Variants in DTNA observed in about 807,000 individuals in gnomAD.
The protein encoded by DTNA is dystrobrevin alpha.
A neutral mutation model predicts 100.7 loss-of-function variants in DTNA; 43 were observed. The ratio of observed to expected loss-of-function variants is 0.43; its 90% CI spans 0.33 to 0.55. The LOEUF is 0.55. DTNA is among the 20% of genes least tolerant of loss of function. The pLI is 0.04. For missense variants in DTNA, 798 were observed against 953.9 expected, an observed-to-expected ratio of 0.84 and a Z score of 2.15; for synonymous variants, 349 against 347.9, an observed-to-expected ratio of 1.00 and a Z score of -0.04.
rs1359246746 is a variant in DTNA at position 34,742,664 on chromosome 18, A to ATCTATCTAGATAGATAGATAATCTATTG, written c.-1-13304_-1-13303insGATAGATAGATAATCTATTGTCTATCTA. On this transcript the variant is annotated intron_variant, in intron 1 of 22. Coordinates refer to ENST00000444659, the MANE Select transcript of DTNA (RefSeq NM_001386795.1). The stretch of plus-strand genomic sequence containing the variant: ...TATCTAGATAGATAGATAATCTATT[A>ATCTATCTAGATAGATAGATAATCTATTG]TCTATCTATTCCCATTATCCTGTCT... Among the ~76,000 whole-genome samples, 3 of 151,896 alleles carry ATCTATCTAGATAGATAGATAATCTATTG rather than the reference A, an allele frequency of 2.0e-5. No homozygotes were observed. In the East Asian group the frequency reaches 5.8e-4, roughly 29 times the overall value.
At chr18:34,751,059 C>A (rs2092273178) in intron 1 of DTNA, among the ~76,000 whole-genome samples, 1 of 152,204 alleles carries the variant, frequency 6.6e-6, no homozygotes. Context: ...AGCGGTGCAA[C>A]CCTCTTTTAA....
intron 1 of DTNA, among the ~76,000 whole-genome samples, chr18:34,697,429 G>T (rs973434346): frequency 2.0e-5 from 3 of 152,172 alleles, no homozygotes; most frequent in African/African-American, 7.2e-5. Flanking sequence ...CTATTAAAAT[G>T]CATGTGTGTC....
At chr18:34,805,854 G>A (rs745564091) in intron 4 of DTNA, among the ~76,000 whole-genome samples, 4 of 151,624 alleles carry the variant, frequency 2.6e-5, no homozygotes, top group Non-Finnish European at 5.9e-5. Context: ...GAATTATTGT[G>A]TGCAAAAATC....
intron 1 of DTNA, among the ~76,000 whole-genome samples, chr18:34,702,711 A>C (rs1286069959): frequency 6.6e-6 from 1 of 152,168 alleles, no homozygotes; most frequent in Non-Finnish European, 1.5e-5. Flanking sequence ...TCTTTTACAT[A>C]AAGTGGCTTA....
At chr18:34,834,341 C>T in intron 11 of DTNA, among the ~76,000 whole-genome samples, 1 of 140,526 alleles carries the variant, frequency 7.1e-6, no homozygotes, top group East Asian at 2.1e-4. Context: ...ATTAAAAATA[C>T]AAAAAAAAAA....
At chr18:34,495,482 G>C (rs895307133) in intron 1 of DTNA, among the ~76,000 whole-genome samples, 2 of 152,172 alleles carry the variant, frequency 1.3e-5, no homozygotes, top group Admixed American at 6.5e-5. Context: ...AAATTTCATA[G>C]GTTATTAGTC....
intron 1 of DTNA, among the ~76,000 whole-genome samples, chr18:34,532,101 A>C (rs1170921391): frequency 6.6e-6 from 1 of 152,146 alleles, no homozygotes; most frequent in East Asian, 1.9e-4. Context: ...AACTACAAAG[A>C]TGAATGAGAC....
intron 1 of DTNA, among the ~76,000 whole-genome samples, chr18:34,669,501 G>A (rs1025840936): frequency 6.6e-6 from 1 of 152,180 alleles, no homozygotes; most frequent in South Asian, 2.1e-4. Flanking sequence ...TTCGTTAGTT[G>A]ATGCTGTTTC....
rs1790525 is a variant in DTNA, at chr18:34,819,077, A to T, written c.876+747A>T. Reference sequence around the variant, plus strand: ...GTTGCCCTCGTGCATCTCTTCAAGGATTGGTTTTTGTAAGGTGTACAGATT... The same window carrying T: ...GTTGCCCTCGTGCATCTCTTCAAGGTTTGGTTTTTGTAAGGTGTACAGATT... On this transcript the variant is annotated intron_variant, in intron 8 of 22. Transcript: ENST00000444659. Among the ~76,000 whole-genome samples, 21,431 of 152,082 alleles carry T rather than the reference A, an allele frequency of 0.14. 1,765 individuals carry two copies. Among genetic ancestry groups the T allele is most frequent in the African/African-American group, 0.23 (9,468 of 41,484 alleles).
intron 1 of DTNA, among the ~76,000 whole-genome samples, chr18:34,712,550 T>A (rs754097288): frequency 1.4e-4 from 22 of 152,126 alleles, no homozygotes; most frequent in Admixed American, 6.5e-5. Context: ...ACACAAAAAC[T>A]TCTGAAATAA....
Position 34,890,246 on chromosome 18 carries a change from A to G in DTNA, c.*2512A>G. 1 of 1,512,090 alleles carries G rather than the reference A, an allele frequency of 6.6e-7. No individual in the cohort carries two copies. The highest frequency in any genetic ancestry group is 8.8e-7 in the Non-Finnish European group (1 of 1,134,384). 93.7% of individuals were successfully genotyped at this position (1,512,090 alleles called of 1,614,324 possible). On this transcript the variant is annotated 3_prime_UTR_variant, in exon 23 of 23. Coordinates refer to ENST00000444659, the MANE Select transcript of DTNA (RefSeq NM_001386795.1). ...ATAAAGCCATTGCAAGGACTCTGGA[A>G]ACTGCCGCCAATGACCAATTTCTGA...
chr18:34,605,632 G>A (rs1199102141), intron 1 of DTNA, among the ~76,000 whole-genome samples: 3 of 83,894 alleles, frequency 3.6e-5, no homozygotes, highest in East Asian at 8.2e-4. Context: ...TTGCAACTCA[G>A]GCACACACAC....
chr18:34,588,378 C>T (rs2049350028), intron 1 of DTNA, among the ~76,000 whole-genome samples: 1 of 152,142 alleles, frequency 6.6e-6, no homozygotes, highest in South Asian at 2.1e-4. Flanking sequence ...AGCTTACAGT[C>T]TGCCCCCAAC....
intron 10 of DTNA, chr18:34,828,959 T>C: frequency 6.6e-7 from 1 of 1,507,172 alleles, no homozygotes; most frequent in Admixed American, 1.7e-5. Flanking sequence ...AATATGTACT[T>C]TTATTAGGAA....
In DTNA at chr18:34,875,339, A is replaced by T. The variant is rs2096804362; in HGVS notation, c.1844A>T (p.His615Leu). The change falls in exon 18 of 23, where the codon CAC (histidine) becomes CTC (leucine). Residue 615 changes from histidine to leucine, a missense_variant. Physicochemically the swap from His to Leu is moderately conservative, Grantham distance 99 (BLOSUM62 -3). This residue lies in a region of DTNA where 242 missense variants were observed against 238.2 expected (regional missense o/e 1.02). Coordinates refer to ENST00000444659, the MANE Select transcript of DTNA (RefSeq NM_001386795.1). ...RSASACSTPT[H>L]TPQDSLTGVG... ...GCGTCAGCCTGCTCCACCCCGACGC[A>T]CACGCCGCAGGACTCCCTCACAGGA... 6.2e-7 allele frequency: 1 copy of T among 1,614,094 alleles called. No homozygotes were observed. Among genetic ancestry groups the T allele is most frequent in the African/African-American group, 1.3e-5 (1 of 74,932 alleles).
chr18:34,859,224 C>G (rs1012218982), intron 16 of DTNA, among the ~76,000 whole-genome samples: 17 of 152,146 alleles, frequency 1.1e-4, no homozygotes, highest in African/African-American at 3.9e-4. Context: ...AGTGAAGGGT[C>G]TTGACCACGA....
At chr18:34,677,233 A>G (rs886866113) in intron 1 of DTNA, among the ~76,000 whole-genome samples, 1 of 152,202 alleles carries the variant, frequency 6.6e-6, no homozygotes, top group Non-Finnish European at 1.5e-5. Flanking sequence ...TTTATTAGTC[A>G]TAGATCCTGG....
chr18:34,839,886 A>G (rs1248843748), intron 13 of DTNA, among the ~76,000 whole-genome samples: 1 of 152,198 alleles, frequency 6.6e-6, no homozygotes, highest in Non-Finnish European at 1.5e-5. Context: ...TTTTGCACCA[A>G]CCTAGTATTT....
At chr18:34,634,686 GTTGT>G (rs1221199020) in intron 1 of DTNA, among the ~76,000 whole-genome samples, 2 of 152,020 alleles carry the variant, frequency 1.3e-5, no homozygotes, top group African/African-American at 4.8e-5. Context: ...TCAAAAAGTG[GTTGT>G]TTCTTTTAAA....
Sources: gnomAD v4.1 joint callset for allele counts (sites outside exome capture counted in the v4.1 genomes callset) on GRCh38, gnomAD v4.1.1 for gene constraint, gnomAD v4.1.1 regional missense constraint, MANE v1.5 for transcripts, NCBI Gene and HGNC (gene_info 2026-07-23, HGNC 2026-07-21) for gene names.